PCDHGB1: variants seen among roughly 807,000 people sequenced by gnomAD.
PCDHGB1 encodes the protein protocadherin gamma-B1.
Under a neutral mutation model 56.6 loss-of-function variants are expected in PCDHGB1, and 34 were observed. That is an observed-to-expected ratio of 0.60 (90% CI 0.46 to 0.80). The LOEUF (loss-of-function observed/expected upper bound fraction) is 0.80. Among genes scored for constraint, PCDHGB1 ranks in the 30% least tolerant of loss-of-function variants. The probability of loss-of-function intolerance (pLI) is 0.00; values close to 1 mark genes in which losing one functional copy is unlikely to be tolerated. For missense variants in PCDHGB1, 1,278 were observed against 1,204.6 expected (o/e 1.06, Z -0.90); for synonymous variants, 561 against 505.9 (o/e 1.11, Z -1.46).
At chr5:141,357,269 C>T in intron 1 of PCDHGB1, 1 of 1,613,812 alleles carries the variant, frequency 6.2e-7, no homozygotes, top group Non-Finnish European at 8.5e-7. Flanking sequence ...TCGGGCCTCA[C>T]ACTCTATCTC....
chr5:141,353,584 A>G (rs1349992377), intron 1 of PCDHGB1, among the ~76,000 whole-genome samples: 1 of 152,198 alleles, frequency 6.6e-6, no homozygotes, highest in Non-Finnish European at 1.5e-5. Flanking sequence ...AGTCAATGAT[A>G]TTTCATAATT....
Position 141,491,657 on chromosome 5 carries a change from A to T in PCDHGB1, c.2410-3150A>T. 1.2e-6 allele frequency: 2 copies of T among 1,613,740 alleles called. No homozygotes were observed. Among genetic ancestry groups the T allele is most frequent in the Non-Finnish European group, 1.7e-6 (2 of 1,180,006 alleles). On this transcript the variant is annotated intron_variant, in intron 1 of 3. Transcript: ENST00000523390. The surrounding 1 kb of genome is among the most constrained non-coding windows in gnomAD (Gnocchi z 6.9). ...CCCACAGCTCTGGCGCTGGAGCCTG[A>T]CGCCATCCGGTCCCGCTCTAATACG...
At chr5:141,391,607 A>G (rs1436377162) in intron 1 of PCDHGB1, 1 of 152,212 alleles carries the variant, frequency 6.6e-6, no homozygotes, top group Non-Finnish European at 1.5e-5. Flanking sequence ...TTCAGATTTC[A>G]TGAGTGGTTT....
Position 141,432,036 on chromosome 5 carries a change from AC to A in PCDHGB1, c.2410-62769del, listed in dbSNP as rs1419691535. The A allele has an allele frequency of 6.2e-7, 1 of 1,614,218 alleles. No individual in the cohort carries two copies. The highest frequency in any genetic ancestry group is 1.3e-5 in the African/African-American group (1 of 75,048). On this transcript the variant is annotated intron_variant, in intron 1 of 3. Coordinates refer to ENST00000523390, the MANE Select transcript of PCDHGB1 (RefSeq NM_018922.3). This position sits in a 1 kb window ranked among gnomAD's most constrained non-coding sequence, Gnocchi z 6.0. ...TACAACATCACAGTGACCGCCACTG[AC>A]CGGGGAACCCCGCCCCTATCCACGG...
chr5:141,422,750 T>C (rs778578440), intron 1 of PCDHGB1: 4 of 1,611,900 alleles, frequency 2.5e-6, no homozygotes, highest in Non-Finnish European at 3.4e-6. Flanking sequence ...TATGTCTCTA[T>C]TAACTCCAAC....
At position 141,432,181 on chromosome 5, in the gene PCDHGB1, G is replaced by A. The variant is rs1443322706; in HGVS notation, c.2410-62626G>A. 3.7e-6 allele frequency: 6 copies of A among 1,614,116 alleles called. No homozygotes were observed. In the South Asian group the frequency reaches 6.6e-5, roughly 18 times the overall value. On this transcript the variant is annotated intron_variant, in intron 1 of 3. Coordinates refer to ENST00000523390, the MANE Select transcript of PCDHGB1 (RefSeq NM_018922.3). This position sits in a 1 kb window ranked among gnomAD's most constrained non-coding sequence, Gnocchi z 6.0. ...CCAGAGGAGTTTCCCTCGTCTCTGTGACCGCCCACGACCCCGACTGTGAAG... is the reference window on the plus strand; with the variant it reads ...CCAGAGGAGTTTCCCTCGTCTCTGTAACCGCCCACGACCCCGACTGTGAAG...
intron 1 of PCDHGB1, among the ~76,000 whole-genome samples, chr5:141,386,507 C>G (rs972515111): frequency 2.0e-5 from 1 of 50,524 alleles, no homozygotes. Context: ...AAGACTCTGT[C>G]TCTTCAAAAA....
At position 141,487,499 on chromosome 5, in the gene PCDHGB1, G is replaced by C; in HGVS notation, c.2410-7308G>C. 6.2e-7 allele frequency: 1 copy of C among 1,614,152 alleles called. No individual in the cohort carries two copies. The highest frequency in any genetic ancestry group is 1.3e-5 in the African/African-American group (1 of 75,042). ...CCACTCTCATGGCTGTACACCCTTG[G>C]CTTCTGCACCCACTCGGAGTGATAG... On this transcript the variant is annotated intron_variant, in intron 1 of 3. Coordinates refer to ENST00000523390, the MANE Select transcript of PCDHGB1 (RefSeq NM_018922.3). The surrounding 1 kb of genome is among the most constrained non-coding windows in gnomAD (Gnocchi z 5.0).
Position 141,350,778 on chromosome 5 carries a change from A to T in PCDHGB1, c.518A>T (p.Gln173Leu). The change falls in exon 1 of 4, where the codon CAA becomes CTA. Residue 173 changes from glutamine (Q) to leucine (L), a missense_variant. Gln to Leu is a moderately radical substitution (Grantham distance 113, BLOSUM62 -2). Coordinates refer to ENST00000523390, the MANE Select transcript of PCDHGB1 (RefSeq NM_018922.3). Reference sequence around the variant, plus strand: ...AAGTTATACACCATCAACCCCAATCAATACTTCTCTCTGTCAACGAAGGAA... The same window carrying T: ...AAGTTATACACCATCAACCCCAATCTATACTTCTCTCTGTCAACGAAGGAA... Reference protein sequence around the residue: ...SLKLYTINPNQYFSLSTKESP... With the variant: ...SLKLYTINPNLYFSLSTKESP... 6.2e-7 allele frequency: 1 copy of T among 1,613,974 alleles called. No individual in the cohort carries two copies. The highest frequency in any genetic ancestry group is 8.5e-7 in the Non-Finnish European group (1 of 1,179,886).
intron 1 of PCDHGB1, chr5:141,404,332 C>T (rs1257075931): frequency 6.2e-7 from 1 of 1,613,916 alleles, no homozygotes; most frequent in East Asian, 2.2e-5. Context: ...ACTCAGTCTA[C>T]CTCCCGGAAA....
chr5:141,357,275 A>G (rs1164189743), intron 1 of PCDHGB1: 3 of 1,613,272 alleles, frequency 1.9e-6, no homozygotes, highest in East Asian at 2.2e-5. Context: ...CTCACACTCT[A>G]TCTCGTGGTG....
intron 1 of PCDHGB1, chr5:141,372,274 G>T (rs767978142): frequency 4.3e-6 from 7 of 1,612,960 alleles, no homozygotes; most frequent in Non-Finnish European, 3.4e-6. Context: ...GGTGAGGTGC[G>T]CACGGCGCGT....
At chr5:141,460,616 T>C (rs905095529) in intron 1 of PCDHGB1, among the ~76,000 whole-genome samples, 8 of 152,114 alleles carry the variant, frequency 5.3e-5, no homozygotes, top group Non-Finnish European at 7.4e-5. Context: ...GATGGATAGA[T>C]AGACAGATAC....
chr5:141,451,874 C>T (rs1264178631), intron 1 of PCDHGB1, among the ~76,000 whole-genome samples: 1 of 151,956 alleles, frequency 6.6e-6, no homozygotes, highest in Non-Finnish European at 1.5e-5. Context: ...GAATGAAACC[C>T]TGTCAAGAAA....
intron 3 of PCDHGB1, 133 bp downstream of exon 3, chr5:141,505,614 AC>A: frequency 6.6e-7 from 1 of 1,510,758 alleles, no homozygotes; most frequent in Non-Finnish European, 8.9e-7. Flanking sequence ...GTCTGAAAGG[AC>A]CCACAATTCC....
chr5:141,503,362 G>A (rs565902559), intron 2 of PCDHGB1, among the ~76,000 whole-genome samples: 32 of 152,054 alleles, frequency 2.1e-4, no homozygotes, highest in African/African-American at 6.5e-4. Context: ...TTTGGGAAGC[G>A]GAGGCAGGTG....
chr5:141,370,930 C>T lies in PCDHGB1; in HGVS notation c.2409+18261C>T, dbSNP rs753377715. ...TACCTCAGCCCTGATCCGCACTTCT[C>T]TTTGATTCAGAAGGAGAACCTGGAT... On this transcript the variant is annotated intron_variant, in intron 1 of 3. Transcript: ENST00000523390. 16 of 1,613,894 alleles carry T rather than the reference C, an allele frequency of 9.9e-6. No homozygotes were observed. The African/African-American group carries it at 2.1e-4, about 22-fold the overall frequency.
In PCDHGB1 at chr5:141,350,360, A is replaced by G; in HGVS notation, c.100A>G (p.Thr34Ala). Reference sequence around the variant, plus strand: ...GGCCATCTCCCAGCAGATCCGATACACGATTCCAGAGGAGCTAGCCAACGG... The same window carrying G: ...GGCCATCTCCCAGCAGATCCGATACGCGATTCCAGAGGAGCTAGCCAACGG... ...CGAISQQIRY[T>A]IPEELANGSR... is the part of the protein sequence containing the mutation. The change falls in exon 1 of 4, where the codon ACG becomes GCG. Residue 34 changes from threonine to alanine, a missense_variant. By Grantham distance (58) the Thr-to-Ala change is moderately conservative (BLOSUM62 0). Transcript: ENST00000523390. The G allele has an allele frequency of 6.4e-7, 1 of 1,570,858 alleles. No individual in the cohort carries two copies. Among genetic ancestry groups the G allele is most frequent in the Non-Finnish European group, 8.6e-7 (1 of 1,157,814 alleles).
intron 2 of PCDHGB1, among the ~76,000 whole-genome samples, chr5:141,496,186 G>A (rs879940448): frequency 2.0e-5 from 3 of 152,018 alleles, no homozygotes; most frequent in Non-Finnish European, 4.4e-5. Flanking sequence ...AGCAGCCCCA[G>A]CTGCTCATTT....
Sources: gnomAD v4.1 joint callset for allele counts (sites outside exome capture counted in the v4.1 genomes callset) on GRCh38, gnomAD v4.1.1 for gene constraint, Gnocchi (gnomAD v3.1) non-coding constraint, MANE v1.5 for transcripts, NCBI Gene and HGNC (gene_info 2026-07-23, HGNC 2026-07-21) for gene names.